Variants in VWA5B1 observed in about 807,000 individuals in gnomAD.
The protein encoded by VWA5B1 is von Willebrand factor A domain-containing protein 5B1.
VWA5B1 carries 115 observed loss-of-function variants against 118.2 expected under a neutral mutation model. That is an observed-to-expected ratio of 0.97 (90% CI 0.84 to 1.14). The LOEUF is 1.14. Among genes scored for constraint, VWA5B1 ranks in the 50% most tolerant of loss-of-function variants. VWA5B1 has a pLI of 0.00. For missense variants in VWA5B1, 1,596 were observed against 1,603.8 expected (o/e 1.00, Z 0.08); for synonymous variants, 682 against 658.4 (o/e 1.04, Z -0.55).
Position 20,343,259 on chromosome 1 carries a change from T to TG in VWA5B1, c.2496dup (p.Thr833AspfsTer64), listed in dbSNP as rs765788985. 18 of 1,548,678 alleles carry TG rather than the reference T, an allele frequency of 1.2e-5. No homozygotes were observed. The South Asian group carries it at 1.9e-4, about 16-fold the overall frequency. On this transcript the variant is annotated frameshift_variant, in exon 16 of 22. Coordinates refer to ENST00000289815, the MANE Select transcript of VWA5B1 (RefSeq NM_001039500.3). LOFTEE classifies it high-confidence loss of function. ...CTGCAGTGGGAGGTGAGCTTCGAGC[T>TG]GGGGACCCCTGGACCGGAGCGGGGC...
chr1:20,317,519 C>A lies in VWA5B1; in HGVS notation c.564-11C>A. 6.4e-7 allele frequency: 1 copy of A among 1,551,112 alleles called. No homozygotes were observed. The highest frequency in any genetic ancestry group is 2.0e-5 in the Admixed American group (1 of 50,928). Reference sequence around the variant, plus strand: ...GGCTGGTCTCCTTTCCTTCCCCCGGCCCTTTTCCAGCAAAGACAGGCACTG... The same window carrying A: ...GGCTGGTCTCCTTTCCTTCCCCCGGACCTTTTCCAGCAAAGACAGGCACTG... On this transcript the variant is annotated splice_polypyrimidine_tract_variant and intron_variant, in intron 4 of 21. Coordinates refer to ENST00000289815, the MANE Select transcript of VWA5B1 (RefSeq NM_001039500.3).
At chr1:20,332,974 G>A (rs756914508) in intron 12 of VWA5B1, 23 bp downstream of exon 12, 55 of 1,550,074 alleles carry the variant, frequency 3.5e-5, no homozygotes, top group Non-Finnish European at 4.3e-5. Flanking sequence ...GAAATTCCAC[G>A]GGTCCGTGTG....
In VWA5B1 at chr1:20,313,494, A is replaced by G. The variant is rs1463786203; in HGVS notation, c.292+506A>G. ...GTAAATACTCAAAGCATGGCTACTA[A>G]TGCCTGCTACTGAGGAAACTGAGGC... is the stretch of plus-strand genomic sequence containing the variant. On this transcript the variant is annotated intron_variant, in intron 3 of 21. Coordinates refer to ENST00000289815, the MANE Select transcript of VWA5B1 (RefSeq NM_001039500.3). 3.3e-5 allele frequency among the ~76,000 whole-genome samples: 5 copies of G among 152,188 alleles called. No individual in the cohort carries two copies. The East Asian group carries it at 9.6e-4, about 29-fold the overall frequency.
intron 12 of VWA5B1, among the ~76,000 whole-genome samples, chr1:20,333,536 C>T (rs2089631418): frequency 1.3e-5 from 2 of 152,218 alleles, no homozygotes; most frequent in African/African-American, 2.4e-5. Flanking sequence ...TAAGAATCCC[C>T]AAGGATAAAG....
At chr1:20,318,310 T>C (rs191438020) in intron 5 of VWA5B1, 1 of 461,660 alleles carries the variant, frequency 2.2e-6, no homozygotes, top group Admixed American at 3.5e-5. Flanking sequence ...CTTGGCAGGA[T>C]GCTGGGATCA....
Position 20,342,654 on chromosome 1 carries a change from A to G in VWA5B1, c.2311+45A>G, listed in dbSNP as rs926250538. On this transcript the variant is annotated intron_variant, in intron 15 of 21. Transcript: ENST00000289815. The stretch of plus-strand genomic sequence containing the variant: ...AGGACCCAACTGGGGACAGGGAGGA[A>G]TCACTGGCTGTTGTTCAACTTCAGA... The G allele has an allele frequency of 7.6e-6, 11 of 1,440,586 alleles. No individual in the cohort carries two copies. The African/African-American group carries it at 1.3e-4, about 17-fold the overall frequency. 89.2% of individuals were successfully genotyped at this position (1,440,586 alleles called of 1,614,324 possible).
In VWA5B1 at chr1:20,323,418, CT is replaced by C; in HGVS notation, c.1031del (p.Phe344SerfsTer12). 1.3e-6 allele frequency: 2 copies of C among 1,534,814 alleles called. No homozygotes were observed. Among genetic ancestry groups the C allele is most frequent in the Non-Finnish European group, 1.8e-6 (2 of 1,139,834 alleles). On this transcript the variant is annotated frameshift_variant, in exon 8 of 22. Coordinates refer to ENST00000289815, the MANE Select transcript of VWA5B1 (RefSeq NM_001039500.3). LOFTEE classifies it high-confidence loss of function. The stretch of plus-strand genomic sequence containing the variant: ...CCCACCACTCCGTCATCATGCTCAA[CT>C]TCTGTCCCGACCTCCAGTCAGTCCA... ...IPHHSVIMLN[F>X]CPDLQSVQPC...
chr1:20,358,751 G>T lies in VWA5B1; in HGVS notation c.*4488G>T, dbSNP rs867832649. 6.6e-6 allele frequency among the ~76,000 whole-genome samples: 1 copy of T among 152,240 alleles called. No homozygotes were observed. The highest frequency in any genetic ancestry group is 6.5e-5 in the Admixed American group (1 of 15,288). On this transcript the variant is annotated 3_prime_UTR_variant, in exon 22 of 22. Coordinates refer to ENST00000289815, the MANE Select transcript of VWA5B1 (RefSeq NM_001039500.3). Reference sequence around the variant, plus strand: ...GGAAGATTTTGTTCTTACCAATCTAGCAGAGACTAGAGAAGTCAACAGAAA... The same window carrying T: ...GGAAGATTTTGTTCTTACCAATCTATCAGAGACTAGAGAAGTCAACAGAAA...
intron 1 of VWA5B1, among the ~76,000 whole-genome samples, chr1:20,298,009 T>TG (rs1243109409): frequency 8.7e-5 from 11 of 125,756 alleles, no homozygotes; most frequent in African/African-American, 1.1e-4. Context: ...TTTTTTTTTT[T>TG]TTTTTTTTTG....
In VWA5B1 at chr1:20,354,195, G is replaced by C; in HGVS notation, c.3580G>C (p.Val1194Leu). The change falls in exon 22 of 22, where the codon GTG becomes CTG. Residue 1194 changes from valine (V) to leucine (L), a missense_variant. By Grantham distance (32) the Val-to-Leu change is conservative (BLOSUM62 1). Transcript: ENST00000289815. ...TLKAAARQLF[V>L]LLRHWDENLE... ...CAAGGCCGCTGCCCGCCAGCTGTTT[G>C]TGCTTCTGCGGCACTGGGATGAGAA... The C allele has an allele frequency of 6.4e-7, 1 of 1,551,280 alleles. No homozygotes were observed. The highest frequency in any genetic ancestry group is 8.7e-7 in the Non-Finnish European group (1 of 1,147,002).
In VWA5B1 at chr1:20,310,708, C is replaced by G; in HGVS notation, c.107C>G (p.Thr36Ser). ...GYALGLTASL[T>S]YGNLEAQPFQ... ...GCCCTGGGCCTAACTGCCTCCCTCA[C>G]CTATGGCAACCTGGAAGCCCAGCCC... Residue 36 changes from threonine to serine, a missense_variant, in exon 2 of 22, where the codon ACC becomes AGC. Physicochemically the swap from Thr to Ser is moderately conservative, Grantham distance 58 (BLOSUM62 1). Coordinates refer to ENST00000289815, the MANE Select transcript of VWA5B1 (RefSeq NM_001039500.3). 1 of 1,550,384 alleles carries G rather than the reference C, an allele frequency of 6.5e-7. No homozygotes were observed.
intron 9 of VWA5B1, 134 bp from the exon 10 acceptor site, chr1:20,330,046 A>C: frequency 1.0e-6 from 1 of 967,274 alleles, no homozygotes; most frequent in South Asian, 1.6e-5. Flanking sequence ...GAGTGTGGGC[A>C]GGGATGAAAT....
intron 1 of VWA5B1, among the ~76,000 whole-genome samples, chr1:20,291,760 T>A (rs2088310785): frequency 6.6e-6 from 1 of 152,134 alleles, no homozygotes; most frequent in Non-Finnish European, 1.5e-5. Flanking sequence ...CTGAGCCCCG[T>A]GTCTCCTGCA....
Position 20,318,597 on chromosome 1 carries a change from G to C in VWA5B1, c.717G>C (p.Glu239Asp). ...CCTTTCTATGCCACTCAGGGGTGGA[G>C]AGTCCCACTCATGAGATTCGTGCCG... ...IRGPCLLAGV[E>D]SPTHEIRADA... The change falls in exon 6 of 22, where the codon GAG becomes GAC. Residue 239 changes from glutamate (E) to aspartate (D), a missense_variant. By Grantham distance (45) the Glu-to-Asp change is conservative (BLOSUM62 2). Coordinates refer to ENST00000289815, the MANE Select transcript of VWA5B1 (RefSeq NM_001039500.3). 1.3e-6 allele frequency: 2 copies of C among 1,551,464 alleles called. No homozygotes were observed. The highest frequency in any genetic ancestry group is 2.4e-5 in the South Asian group (2 of 84,028).
At chr1:20,342,126 T>G (rs1241195883) in intron 14 of VWA5B1, among the ~76,000 whole-genome samples, 2 of 110,588 alleles carry the variant, frequency 1.8e-5, no homozygotes, top group Non-Finnish European at 3.7e-5. Flanking sequence ...TTAAACTTTA[T>G]GGCAAAAAAA....
intron 12 of VWA5B1, among the ~76,000 whole-genome samples, chr1:20,335,656 A>C (rs2089693775): frequency 6.6e-6 from 1 of 152,258 alleles, no homozygotes; most frequent in East Asian, 1.9e-4. Flanking sequence ...GTATTCTTAC[A>C]ATAAAGTACG....
intron 1 of VWA5B1, among the ~76,000 whole-genome samples, chr1:20,293,642 T>C (rs1373511297): frequency 6.6e-6 from 1 of 152,180 alleles, no homozygotes; most frequent in Non-Finnish European, 1.5e-5. Context: ...GAGGGTCACC[T>C]AAACAGGAAG....
chr1:20,310,470 A>G (rs919513649), intron 1 of VWA5B1, 106 bp from the exon 2 acceptor site: 7 of 1,140,266 alleles, frequency 6.1e-6, no homozygotes, highest in African/African-American at 1.6e-5. Flanking sequence ...GGGGAAAATG[A>G]AAACAATGAT....
chr1:20,334,342 A>T (rs2089655000), intron 12 of VWA5B1, among the ~76,000 whole-genome samples: 1 of 152,196 alleles, frequency 6.6e-6, no homozygotes, highest in Admixed American at 6.6e-5. Flanking sequence ...GTTCATCAAC[A>T]GACCCTCCCA....
Sources: gnomAD v4.1 joint callset for allele counts (sites outside exome capture counted in the v4.1 genomes callset) on GRCh38, gnomAD v4.1.1 for gene constraint, MANE v1.5 for transcripts, NCBI Gene and HGNC (gene_info 2026-07-23, HGNC 2026-07-21) for gene names.